PHACTR1: variants seen among roughly 807,000 people sequenced by gnomAD.
PHACTR1 encodes phosphatase and actin regulator 1.
In PHACTR1, 16 loss-of-function variants were observed where a neutral mutation model predicts 69.2. That is an observed-to-expected ratio of 0.23 (90% CI 0.16 to 0.35). PHACTR1 has a LOEUF of 0.35. Ranked by LOEUF, PHACTR1 falls within the 10% of genes least tolerant of loss-of-function variation. PHACTR1 has a pLI of 1.00. For missense variants in PHACTR1, 510 were observed against 734.7 expected (o/e 0.69, Z 3.54); for synonymous variants, 312 against 284.5 (o/e 1.10, Z -0.97).
intron 4 of PHACTR1, among the ~76,000 whole-genome samples, chr6:13,041,347 C>T (rs112934828): frequency 1.2e-4 from 16 of 131,388 alleles, no homozygotes; most frequent in African/African-American, 5.9e-4. Flanking sequence ...CATACACACA[C>T]ACACACACAC....
At chr6:13,265,259 T>C (rs1776498006) in intron 10 of PHACTR1, among the ~76,000 whole-genome samples, 1 of 152,154 alleles carries the variant, frequency 6.6e-6, no homozygotes, top group African/African-American at 2.4e-5. Context: ...CTAAACCCAG[T>C]GGGCATTTTT....
intron 4 of PHACTR1, among the ~76,000 whole-genome samples, chr6:12,859,120 C>A (rs2127421773): frequency 6.6e-6 from 1 of 152,214 alleles, no homozygotes; most frequent in East Asian, 1.9e-4. Context: ...AAAAATAAAT[C>A]TGAAAGAGCT....
chr6:13,042,271 A>G (rs1804306936), intron 4 of PHACTR1, among the ~76,000 whole-genome samples: 1 of 152,218 alleles, frequency 6.6e-6, no homozygotes. Context: ...CACTACATGA[A>G]CATTAGGCAT....
chr6:12,849,786 C>G (rs1183515723), intron 4 of PHACTR1, among the ~76,000 whole-genome samples: 1 of 152,022 alleles, frequency 6.6e-6, no homozygotes, highest in African/African-American at 2.4e-5. Flanking sequence ...CCCAGAATTC[C>G]TAGGAATCTT....
At chr6:13,030,788 T>C (rs1273980526) in intron 4 of PHACTR1, among the ~76,000 whole-genome samples, 1 of 152,228 alleles carries the variant, frequency 6.6e-6, no homozygotes, top group Non-Finnish European at 1.5e-5. Flanking sequence ...CATTCAGTAA[T>C]GTATAGAAGA....
intron 4 of PHACTR1, among the ~76,000 whole-genome samples, chr6:12,978,698 C>T (rs752394894): frequency 1.2e-4 from 19 of 152,204 alleles, no homozygotes; most frequent in Non-Finnish European, 2.5e-4. Context: ...CCTGCTAGGA[C>T]GGTGTTGGCT....
chr6:12,763,252 AAC>A, intron 4 of PHACTR1, among the ~76,000 whole-genome samples: 1 of 150,052 alleles, frequency 6.7e-6, no homozygotes, highest in Non-Finnish European at 1.5e-5. Context: ...CAACAACAAC[AAC>A]AAAACAGCAG....
intron 5 of PHACTR1, among the ~76,000 whole-genome samples, chr6:13,086,837 T>C (rs1403890079): frequency 6.6e-6 from 1 of 152,118 alleles, no homozygotes; most frequent in Non-Finnish European, 1.5e-5. Context: ...TGTTTAACTT[T>C]ATAAGAAATT....
intron 11 of PHACTR1, chr6:13,273,689 A>T (rs2127453590): frequency 6.6e-6 from 1 of 152,350 alleles, no homozygotes; most frequent in East Asian, 1.9e-4. Flanking sequence ...GATATTAAAT[A>T]ACTTAAATAT....
chr6:13,118,016 A>G (rs1346123643), intron 5 of PHACTR1, among the ~76,000 whole-genome samples: 2 of 152,240 alleles, frequency 1.3e-5, no homozygotes, highest in Non-Finnish European at 2.9e-5. Context: ...TTAAATCAAT[A>G]TTTAGTGCTC....
intron 4 of PHACTR1, among the ~76,000 whole-genome samples, chr6:12,778,245 C>T (rs1770347258): frequency 6.6e-6 from 1 of 152,158 alleles, no homozygotes; most frequent in Admixed American, 6.5e-5. Flanking sequence ...ACCATAAAAT[C>T]CAAACAAATT....
rs565662405 is a variant in PHACTR1, at chr6:13,036,018, T to C, written c.251-17347T>C. Among the ~76,000 whole-genome samples the C allele has an allele frequency of 2.6e-5, 4 of 152,304 alleles. No homozygotes were observed. In the South Asian group the frequency reaches 8.3e-4, roughly 32 times the overall value. ...TGCTAAATGTTTACATATATTCATTTCGCATAGCAATTTAAGAGATAGGTT... is the reference window on the plus strand; with the variant it reads ...TGCTAAATGTTTACATATATTCATTCCGCATAGCAATTTAAGAGATAGGTT... On this transcript the variant is annotated intron_variant, in intron 4 of 14. Coordinates refer to ENST00000332995, the MANE Select transcript of PHACTR1 (RefSeq NM_030948.6).
chr6:12,999,302 T>A (rs964502565), intron 4 of PHACTR1, among the ~76,000 whole-genome samples: 2 of 152,146 alleles, frequency 1.3e-5, no homozygotes, highest in Admixed American at 1.3e-4. Context: ...CATGCAATAA[T>A]CTTAAAATAC....
At chr6:13,174,361 A>G (rs1446339979) in intron 6 of PHACTR1, among the ~76,000 whole-genome samples, 1 of 152,258 alleles carries the variant, frequency 6.6e-6, no homozygotes, top group African/African-American at 2.4e-5. Context: ...AACTATAGCC[A>G]TAGGTGATCA....
At chr6:12,906,244 G>A (rs1326680928) in intron 4 of PHACTR1, among the ~76,000 whole-genome samples, 1 of 152,072 alleles carries the variant, frequency 6.6e-6, no homozygotes, top group Non-Finnish European at 1.5e-5. Flanking sequence ...TGCAATCTAG[G>A]GATTTGGGAG....
In PHACTR1 at chr6:13,050,340, C is replaced by T. The variant is rs528446226; in HGVS notation, c.251-3025C>T. On this transcript the variant is annotated intron_variant, in intron 4 of 14. Coordinates refer to ENST00000332995, the MANE Select transcript of PHACTR1 (RefSeq NM_030948.6). ...AACCTTCTGAATCTTTTATCTTCCT[C>T]CTTTAGCCTCCAGTAATCTGTTATT... 1.5e-3 allele frequency among the ~76,000 whole-genome samples: 231 copies of T among 152,308 alleles called. 1 individual carries two copies. Among genetic ancestry groups the T allele is most frequent in the South Asian group, 3.7e-3 (18 of 4,826 alleles).
chr6:12,978,618 T>C (rs1795160446), intron 4 of PHACTR1, among the ~76,000 whole-genome samples: 1 of 152,248 alleles, frequency 6.6e-6, no homozygotes, highest in African/African-American at 2.4e-5. Context: ...GATACGTTGT[T>C]GCTCTGATGA....
intron 4 of PHACTR1, among the ~76,000 whole-genome samples, chr6:12,940,289 T>G (rs868592851): frequency 6.6e-6 from 1 of 152,222 alleles, no homozygotes; most frequent in Non-Finnish European, 1.5e-5. Context: ...CATTGTGAAG[T>G]CTTCTTAAAA....
At chr6:13,267,520 G>C (rs1776919198) in intron 10 of PHACTR1, 2 of 152,154 alleles carry the variant, frequency 1.3e-5, no homozygotes, top group African/African-American at 4.8e-5. Flanking sequence ...CTGAGATGCT[G>C]CAAGAATGTA....
Sources: allele counts gnomAD v4.1 joint callset (sites outside exome capture counted in the v4.1 genomes callset), GRCh38; gene constraint gnomAD v4.1.1; transcripts MANE v1.5; gene names NCBI Gene and HGNC (gene_info 2026-07-23, HGNC 2026-07-21).